The following CERT1 variants were observed in gnomAD, a reference collection of about 807,000 sequenced individuals.
CERT1 encodes ceramide transfer protein.
CERT1 carries 31 observed loss-of-function variants against 87.9 expected under a neutral mutation model. That is an observed-to-expected ratio of 0.35 (90% CI 0.27 to 0.48). The LOEUF is 0.48. Among genes scored for constraint, CERT1 ranks in the 20% least tolerant of loss-of-function variants. The pLI is 0.99. For missense variants in CERT1, 487 were observed against 758.0 expected (o/e 0.64, Z 4.20); for synonymous variants, 289 against 250.9 (o/e 1.15, Z -1.44).
chr5:75,377,399 T>C (rs1761364288), downstream of CERT1: 1 of 152,324 alleles, frequency 6.6e-6, no homozygotes, highest in South Asian at 2.1e-4. Flanking sequence ...TTCCCACATA[T>C]AAACTTGCAA....
chr5:75,402,825 C>A, intron 9 of CERT1, 147 bp downstream of exon 9: 17 of 480,288 alleles, frequency 3.5e-5, no homozygotes, highest in Non-Finnish European at 4.9e-5. Flanking sequence ...GATTATTTTA[C>A]ATTTGTGACT....
At chr5:75,395,723 G>A (rs980187473) in intron 11 of CERT1, among the ~76,000 whole-genome samples, 1 of 151,988 alleles carries the variant, frequency 6.6e-6, no homozygotes, top group South Asian at 2.1e-4. Flanking sequence ...TTAGCTGGGT[G>A]TGATAGCGTG....
At chr5:75,384,558 C>T (rs1761709551) in intron 14 of CERT1, 84 bp downstream of exon 14, 2 of 889,456 alleles carry the variant, frequency 2.2e-6, no homozygotes, top group Non-Finnish European at 1.8e-6. Flanking sequence ...TTTTAATAAC[C>T]TCCCCAATTT....
At chr5:75,437,235 T>G (rs985169074) in intron 3 of CERT1, among the ~76,000 whole-genome samples, 2 of 152,238 alleles carry the variant, frequency 1.3e-5, no homozygotes, top group African/African-American at 2.4e-5. Context: ...GTCTTCACTA[T>G]ATGTCTTGTG....
At chr5:75,433,622 G>A (rs531695189) in intron 3 of CERT1, among the ~76,000 whole-genome samples, 1 of 152,284 alleles carries the variant, frequency 6.6e-6, no homozygotes, top group African/African-American at 2.4e-5. Context: ...CTAGGCTCCA[G>A]TGGTCCTCCT....
At chr5:75,452,465 C>G (rs988983872) in intron 3 of CERT1, among the ~76,000 whole-genome samples, 1 of 152,086 alleles carries the variant, frequency 6.6e-6, no homozygotes, top group East Asian at 1.9e-4. Flanking sequence ...GTCAGGAAAG[C>G]CTTCGTGCTA....
intron 2 of CERT1, among the ~76,000 whole-genome samples, chr5:75,468,278 A>G (rs566653037): frequency 6.6e-6 from 1 of 152,344 alleles, no homozygotes; most frequent in Non-Finnish European, 1.5e-5. Flanking sequence ...CATACTAATA[A>G]GAAAATACCC....
chr5:75,408,507 T>A (rs1246189468), intron 8 of CERT1, among the ~76,000 whole-genome samples: 1 of 152,062 alleles, frequency 6.6e-6, no homozygotes, highest in Non-Finnish European at 1.5e-5. Flanking sequence ...CTCAGTTTGG[T>A]CCCAGAACAA....
Position 75,460,923 on chromosome 5 carries a change from G to C in CERT1, c.232-1742C>G, listed in dbSNP as rs1283372043. On this transcript the variant is annotated intron_variant, in intron 2 of 16. Coordinates refer to ENST00000643780, the MANE Select transcript of CERT1 (RefSeq NM_001379029.1). ...ACAATAATAAACCTACAAATGAGAAGTAGAGTGTGCTAGAAAGAAGCAAAA... is the reference window on the plus strand; with the variant it reads ...ACAATAATAAACCTACAAATGAGAACTAGAGTGTGCTAGAAAGAAGCAAAA... 7.1e-4 allele frequency among the ~76,000 whole-genome samples: 108 copies of C among 152,320 alleles called. 1 individual carries two copies. Among genetic ancestry groups the C allele is most frequent in the Non-Finnish European group, 7.3e-5 (5 of 68,028 alleles).
chr5:75,471,155 T>C (rs1311894809), intron 2 of CERT1, among the ~76,000 whole-genome samples: 1 of 152,196 alleles, frequency 6.6e-6, no homozygotes, highest in Admixed American at 6.5e-5. Context: ...TTGTGTCACT[T>C]AGCAATGGGG....
intron 17 of CERT1, chr5:75,371,706 C>T (rs1288523157): frequency 6.6e-6 from 1 of 152,128 alleles, no homozygotes; most frequent in Non-Finnish European, 1.5e-5. Flanking sequence ...CCCCACATCA[C>T]CAATATATTT....
At chr5:75,488,821 C>T (rs1766644874) in intron 2 of CERT1, among the ~76,000 whole-genome samples, 1 of 152,080 alleles carries the variant, frequency 6.6e-6, no homozygotes. Context: ...TCCCAAGTAC[C>T]CAGTATCCTT....
At chr5:75,391,874 A>C (rs570513773) in intron 11 of CERT1, among the ~76,000 whole-genome samples, 24 of 152,210 alleles carry the variant, frequency 1.6e-4, no homozygotes, top group Non-Finnish European at 3.2e-4. Flanking sequence ...AGAGACAGAA[A>C]GAAATGCTTC....
chr5:75,392,846 T>G (rs1762081487), intron 11 of CERT1, among the ~76,000 whole-genome samples: 1 of 151,256 alleles, frequency 6.6e-6, no homozygotes, highest in African/African-American at 2.4e-5. Context: ...GGTGGGTGCC[T>G]GTAGTCCCAG....
At chr5:75,457,430 G>A (rs141214084) in intron 3 of CERT1, among the ~76,000 whole-genome samples, 77 of 152,238 alleles carry the variant, frequency 5.1e-4, no homozygotes, top group Admixed American at 1.2e-3. Flanking sequence ...TGCATGGCCT[G>A]GCTCCAGAGC....
At chr5:75,487,003 A>G (rs1766554753) in intron 2 of CERT1, among the ~76,000 whole-genome samples, 1 of 152,136 alleles carries the variant, frequency 6.6e-6, no homozygotes, top group South Asian at 2.1e-4. Flanking sequence ...ATACAGAACC[A>G]CAAAAGACCC....
At chr5:75,439,483 T>C (rs572458568) in intron 3 of CERT1, among the ~76,000 whole-genome samples, 1 of 152,190 alleles carries the variant, frequency 6.6e-6, no homozygotes, top group South Asian at 2.1e-4. Context: ...AACTTCCTCA[T>C]GGTGTCAAAA....
intron 3 of CERT1, among the ~76,000 whole-genome samples, chr5:75,429,195 A>AT (rs1400569721): frequency 5.4e-4 from 80 of 147,024 alleles, no homozygotes; most frequent in Middle Eastern, 3.6e-3. Context: ...AATAATAATA[A>AT]TAATTATTAT....
intron 2 of CERT1, among the ~76,000 whole-genome samples, chr5:75,467,961 A>C (rs1234269593): frequency 6.6e-6 from 1 of 152,252 alleles, no homozygotes; most frequent in African/African-American, 2.4e-5. Context: ...TAAATTTTAC[A>C]AGTTTTTGTA....
Sources: allele counts gnomAD v4.1 joint callset (sites outside exome capture counted in the v4.1 genomes callset), GRCh38; gene constraint gnomAD v4.1.1; transcripts MANE v1.5; gene names NCBI Gene and HGNC (gene_info 2026-07-23, HGNC 2026-07-21).